CUL3: variants seen among roughly 807,000 people sequenced by gnomAD.
The protein encoded by CUL3 is cullin 3.
CUL3 carries 19 observed loss-of-function variants against 89.1 expected under a neutral mutation model. The ratio of observed to expected loss-of-function variants is 0.21; its 90% CI spans 0.15 to 0.31. The LOEUF (loss-of-function observed/expected upper bound fraction) is 0.31, where lower values mean the gene tolerates loss of function less well. Among genes scored for constraint, CUL3 ranks in the 10% least tolerant of loss-of-function variants. CUL3 has a pLI of 1.00. For missense variants in CUL3, 469 were observed against 942.3 expected (o/e 0.50, Z 6.58); for synonymous variants, 351 against 308.4 (o/e 1.14, Z -1.45).
chr2:224,478,178 C>A, intron 15 of CUL3, 22 bp downstream of exon 15: 1 of 1,578,596 alleles, frequency 6.3e-7, no homozygotes, highest in Non-Finnish European at 8.6e-7. Flanking sequence ...TCTATATTAG[C>A]CCAGTAGTGA....
chr2:224,497,964 T>C, intron 11 of CUL3, 115 bp from the exon 12 acceptor site: 1 of 751,850 alleles, frequency 1.3e-6, no homozygotes, highest in Non-Finnish European at 2.2e-6. Context: ...GTGTATGGAC[T>C]TTAAAACTTA....
intron 7 of CUL3, 55 bp from the exon 8 acceptor site, chr2:224,506,187 T>C (rs898596584): frequency 3.4e-6 from 4 of 1,188,922 alleles, no homozygotes; most frequent in Non-Finnish European, 4.6e-6. Flanking sequence ...CCATAAATAA[T>C]ACACTTATGA....
chr2:224,512,537 C>CA (rs1692871511), intron 5 of CUL3, among the ~76,000 whole-genome samples: 1 of 152,148 alleles, frequency 6.6e-6, no homozygotes, highest in African/African-American at 2.4e-5. Context: ...TACTAGTACT[C>CA]AATTATTGTT....
chr2:224,577,127 T>A (rs1407522073), intron 1 of CUL3, among the ~76,000 whole-genome samples: 1 of 152,238 alleles, frequency 6.6e-6, no homozygotes, highest in Non-Finnish European at 1.5e-5. Flanking sequence ...TGGCTAAATA[T>A]TGGTATAATA....
intron 13 of CUL3, among the ~76,000 whole-genome samples, chr2:224,483,216 G>A (rs866504888): frequency 2.0e-5 from 3 of 152,116 alleles, no homozygotes; most frequent in Admixed American, 6.5e-5. Context: ...TGCTAAAAGT[G>A]ATTTATTTAC....
At chr2:224,561,255 T>C (rs1694892274) in intron 1 of CUL3, among the ~76,000 whole-genome samples, 1 of 152,194 alleles carries the variant, frequency 6.6e-6, no homozygotes, top group Admixed American at 6.5e-5. Context: ...GGTGACTGAT[T>C]TTCTGCTAAT....
chr2:224,530,604 T>C (rs1693661464), intron 3 of CUL3, among the ~76,000 whole-genome samples: 1 of 152,246 alleles, frequency 6.6e-6, no homozygotes, highest in South Asian at 2.1e-4. Context: ...AAATTTTACC[T>C]TAATTTTAAA....
chr2:224,542,185 T>C (rs1167630343), intron 2 of CUL3, among the ~76,000 whole-genome samples: 1 of 152,232 alleles, frequency 6.6e-6, no homozygotes, highest in Non-Finnish European at 1.5e-5. Context: ...GTTAAACAAT[T>C]TGAGTATATC....
intron 14 of CUL3, chr2:224,479,311 G>A (rs1032051689): frequency 1.3e-5 from 2 of 151,416 alleles, no homozygotes; most frequent in African/African-American, 4.9e-5. Context: ...TAAAAATACT[G>A]CTTTCGGTGT....
Position 224,500,345 on chromosome 2 carries a change from A to C in CUL3, c.1610+18T>G, listed in dbSNP as rs780352057. ...CACTTACTTGTACACAGTGATACAA[A>C]GTCTGATTTTGATTTACCTTCTGAA... On this transcript the variant is annotated intron_variant, in intron 11 of 15. Transcript: ENST00000264414. The C allele has an allele frequency of 6.2e-7, 1 of 1,613,634 alleles. No individual in the cohort carries two copies.
chr2:224,578,923 T>C (rs556454180), intron 1 of CUL3, among the ~76,000 whole-genome samples: 1 of 152,330 alleles, frequency 6.6e-6, no homozygotes, highest in African/African-American at 2.4e-5. Flanking sequence ...ACAAATGCTT[T>C]CATCCCTTAA....
At chr2:224,487,483 A>T (rs550605955) in intron 13 of CUL3, among the ~76,000 whole-genome samples, 2 of 138,854 alleles carry the variant, frequency 1.4e-5, no homozygotes, top group South Asian at 4.6e-4. Context: ...TTGCAATCCT[A>T]GTCTCTGATA....
At chr2:224,546,666 A>ACGGG (rs561760268) in intron 2 of CUL3, among the ~76,000 whole-genome samples, 17 of 122,232 alleles carry the variant, frequency 1.4e-4, no homozygotes, top group African/African-American at 4.6e-4. Flanking sequence ...CAGAAATAGG[A>ACGGG]TGGGGGGGGG....
At chr2:224,584,145 A>G (rs1695509560) in intron 1 of CUL3, among the ~76,000 whole-genome samples, 1 of 152,174 alleles carries the variant, frequency 6.6e-6, no homozygotes, top group African/African-American at 2.4e-5. Flanking sequence ...AAAAAGAAAA[A>G]GTTTCTGAGC....
chr2:224,549,861 T>TGCACACACACACACAC (rs1553534859), intron 2 of CUL3, among the ~76,000 whole-genome samples: 44 of 151,842 alleles, frequency 2.9e-4, no homozygotes, highest in African/African-American at 1.0e-3. Context: ...CATATATGCG[T>TGCACACACACACACAC]GCACACACAC....
At chr2:224,569,206 A>G (rs984479756) in intron 1 of CUL3, among the ~76,000 whole-genome samples, 12 of 152,184 alleles carry the variant, frequency 7.9e-5, no homozygotes, top group African/African-American at 2.4e-4. Flanking sequence ...AAATACACTA[A>G]GGGATCTAGC....
At chr2:224,484,928 G>A (rs1374599883) in intron 13 of CUL3, among the ~76,000 whole-genome samples, 1 of 152,124 alleles carries the variant, frequency 6.6e-6, no homozygotes, top group Non-Finnish European at 1.5e-5. Context: ...TCCAACTGAG[G>A]TACCTGGTTC....
intron 13 of CUL3, among the ~76,000 whole-genome samples, chr2:224,490,261 T>C (rs1257133167): frequency 6.6e-6 from 1 of 152,148 alleles, no homozygotes; most frequent in Non-Finnish European, 1.5e-5. Flanking sequence ...GCAAAATTAG[T>C]GAAAGTACTA....
chr2:224,539,918 T>C (rs564428322), intron 2 of CUL3, among the ~76,000 whole-genome samples: 3 of 152,246 alleles, frequency 2.0e-5, no homozygotes, highest in African/African-American at 7.2e-5. Context: ...ACTATGGACT[T>C]GGAGTGATGA....
Sources: allele counts gnomAD v4.1 joint callset (sites outside exome capture counted in the v4.1 genomes callset), GRCh38; gene constraint gnomAD v4.1.1; transcripts MANE v1.5; gene names NCBI Gene and HGNC (gene_info 2026-07-23, HGNC 2026-07-21).